SUN1: variants seen among roughly 807,000 people sequenced by gnomAD.
SUN1 encodes Sad1 and UNC84 domain containing 1.
In SUN1, 61 loss-of-function variants were observed where a neutral mutation model predicts 103.2. The observed-to-expected ratio is 0.59, with a 90% CI of 0.48 to 0.73. The LOEUF is 0.73. Among genes scored for constraint, SUN1 ranks in the 30% least tolerant of loss-of-function variants. The pLI is 0.00. For synonymous variants in SUN1, 490 were observed against 425.7 expected, an observed-to-expected ratio of 1.15 and a Z score of -1.86; for missense variants, 1,052 against 1,034.6, an observed-to-expected ratio of 1.02 and a Z score of -0.23.
chr7:816,666 C>T (rs1273950405), exon 1 of SUN1: 5 of 258,578 alleles, frequency 1.9e-5, no homozygotes, highest in Non-Finnish European at 3.1e-5. Flanking sequence ...GGCGGCGGCG[C>T]GAGGCAGGTG....
intron 13 of SUN1, among the ~76,000 whole-genome samples, chr7:859,337 A>C (rs1347092331): frequency 6.6e-6 from 1 of 152,194 alleles, no homozygotes; most frequent in African/African-American, 2.4e-5. Flanking sequence ...ACTGTCATCA[A>C]CTACGGCCTC....
At chr7:870,616 G>A (rs940748037) in intron 17 of SUN1, among the ~76,000 whole-genome samples, 4 of 152,082 alleles carry the variant, frequency 2.6e-5, no homozygotes, top group Non-Finnish European at 5.9e-5. Flanking sequence ...AGAGGAAATT[G>A]TATTATGAGC....
chr7:866,955 A>C (rs951336007), intron 16 of SUN1, among the ~76,000 whole-genome samples: 22 of 152,082 alleles, frequency 1.4e-4, no homozygotes, highest in African/African-American at 5.1e-4. Flanking sequence ...CAATACTCAA[A>C]TCCTGCCTCA....
chr7:848,540 A>G, intron 5 of SUN1: 1 of 1,361,270 alleles, frequency 7.3e-7, no homozygotes, highest in Non-Finnish European at 9.8e-7. Flanking sequence ...TGAATCAGAA[A>G]ATTACAAATT....
At chr7:833,483 G>T (rs777311826) in intron 1 of SUN1, among the ~76,000 whole-genome samples, 3 of 152,068 alleles carry the variant, frequency 2.0e-5, no homozygotes, top group Admixed American at 6.5e-5. Context: ...GCTAATTTTT[G>T]TATTTTTAAT....
chr7:871,412 C>T (rs1243715060), intron 17 of SUN1, among the ~76,000 whole-genome samples: 2 of 151,700 alleles, frequency 1.3e-5, no homozygotes, highest in East Asian at 1.9e-4. Flanking sequence ...TTTTTGAGAC[C>T]GAGTCTCGCT....
At chr7:869,169 TG>T in intron 16 of SUN1, 179 bp from the exon 17 acceptor site, 1 of 718,206 alleles carries the variant, frequency 1.4e-6, no homozygotes, top group Non-Finnish European at 2.3e-6. Flanking sequence ...TTGGAGATAG[TG>T]GCCCTCTGAG....
In SUN1 at chr7:838,996, G is replaced by A. The variant is rs369172026; in HGVS notation, c.266+10G>A. 2.5e-5 allele frequency: 39 copies of A among 1,538,958 alleles called. No homozygotes were observed. Among genetic ancestry groups the A allele is most frequent in the Middle Eastern group, 1.8e-4 (1 of 5,678 alleles). On this transcript the variant is annotated intron_variant, in intron 2 of 18. Coordinates refer to ENST00000401592, the MANE Select transcript of SUN1 (RefSeq NM_001130965.3). ...AGAACCGAGCGGCCAGGTGAGCACC[G>A]CTGCACTTCCTCTCCATCTGATCTC...
At chr7:824,673 C>T (rs561941281) in intron 1 of SUN1, among the ~76,000 whole-genome samples, 12 of 152,148 alleles carry the variant, frequency 7.9e-5, no homozygotes, top group Admixed American at 1.3e-4. Flanking sequence ...TGGTAGAAGT[C>T]GTCGTTTTCT....
In SUN1 at chr7:838,757, C is replaced by A. The variant is rs1364134794; in HGVS notation, c.78-41C>A. The stretch of plus-strand genomic sequence containing the variant: ...TGTTCATTTTGTTTCAGAATGGGGG[C>A]TATAAGCACTGCTTACCTCTGATGA... On this transcript the variant is annotated intron_variant, in intron 1 of 18. Transcript: ENST00000401592. The A allele has an allele frequency of 4.1e-6, 6 of 1,474,190 alleles. No homozygotes were observed. In the East Asian group the frequency reaches 1.3e-4, roughly 31 times the overall value. 91.3% of individuals were successfully genotyped at this position (1,474,190 alleles called of 1,614,324 possible). A position where few individuals can be genotyped will look rare whatever the true frequency, so the allele number is the denominator to read the frequency against.
At chr7:861,316 C>T (rs1832048481) in intron 14 of SUN1, 64 bp from the exon 15 acceptor site, 3 of 1,567,056 alleles carry the variant, frequency 1.9e-6, no homozygotes, top group Admixed American at 1.7e-5. Context: ...ATCCATGGCA[C>T]TAAAACCCAC....
At chr7:841,183 C>G (rs1008596940) in intron 2 of SUN1, among the ~76,000 whole-genome samples, 1 of 151,042 alleles carries the variant, frequency 6.6e-6, no homozygotes, top group Non-Finnish European at 1.5e-5. Context: ...TCCGCCTGCC[C>G]CAGCCTCCCA....
upstream of SUN1, among the ~76,000 whole-genome samples, chr7:829,099 A>C (rs1401356781): frequency 6.6e-6 from 1 of 152,372 alleles, no homozygotes; most frequent in Non-Finnish European, 1.5e-5. Context: ...CCGCACATCT[A>C]TGCAGAATGT....
intron 2 of SUN1, among the ~76,000 whole-genome samples, chr7:841,453 A>G (rs1391772935): frequency 2.0e-5 from 3 of 151,950 alleles, no homozygotes; most frequent in African/African-American, 4.8e-5. Context: ...CGTGTTGGCC[A>G]GGATGGTCTC....
intron 10 of SUN1, 56 bp downstream of exon 10, chr7:853,674 CA>C: frequency 2.6e-6 from 4 of 1,559,838 alleles, no homozygotes; most frequent in Non-Finnish European, 3.5e-6. Context: ...TTCTGGGTGC[CA>C]TGTTCTCTCC....
In SUN1 at chr7:852,007, C is replaced by T; in HGVS notation, c.815C>T (p.Thr272Ile). 1.9e-6 allele frequency: 3 copies of T among 1,614,094 alleles called. No individual in the cohort carries two copies. Among genetic ancestry groups the T allele is most frequent in the Non-Finnish European group, 2.5e-6 (3 of 1,179,990 alleles). ...WLGIGWYQFV[T>I]LISWLNVFLL... ...GGGATTGGATGGTACCAGTTTGTTA[C>T]TTTGATTTCTTGGCTGAATGTGTTT... Residue 272 changes from threonine (T) to isoleucine (I), a missense_variant, in exon 7 of 19, where the codon ACT becomes ATT. Coordinates refer to ENST00000401592, the MANE Select transcript of SUN1 (RefSeq NM_001130965.3).
intron 16 of SUN1, chr7:868,444 C>A (rs570102463): frequency 4.4e-5 from 13 of 296,330 alleles, no homozygotes; most frequent in South Asian, 3.7e-4. Flanking sequence ...TAGGTTAGAA[C>A]GTGCATTTTC....
intron 1 of SUN1, among the ~76,000 whole-genome samples, chr7:825,070 T>A (rs1790242875): frequency 6.6e-6 from 1 of 152,136 alleles, no homozygotes; most frequent in African/African-American, 2.4e-5. Flanking sequence ...TAATTTTTTT[T>A]TTTTTTTAGG....
At chr7:846,169 T>C (rs1247106241) in intron 5 of SUN1, among the ~76,000 whole-genome samples, 1 of 152,052 alleles carries the variant, frequency 6.6e-6, no homozygotes, top group East Asian at 1.9e-4. Flanking sequence ...AGTACAGTGA[T>C]GTGATCTCAG....
Sources: allele counts gnomAD v4.1 joint callset (sites outside exome capture counted in the v4.1 genomes callset), GRCh38; gene constraint gnomAD v4.1.1; transcripts MANE v1.5; gene names NCBI Gene and HGNC (gene_info 2026-07-23, HGNC 2026-07-21).